The following CDH20 variants were observed in gnomAD, a reference collection of about 807,000 sequenced individuals.
CDH20 encodes the protein cadherin 20.
Under a neutral mutation model 74.2 loss-of-function variants are expected in CDH20, and 29 were observed. The ratio of observed to expected loss-of-function variants is 0.39; its 90% CI spans 0.29 to 0.53. CDH20 has a LOEUF of 0.53. Among genes scored for constraint, CDH20 ranks in the 20% least tolerant of loss-of-function variants. The pLI, the probability that CDH20 is intolerant of heterozygous loss-of-function variation, is 0.69. For synonymous variants in CDH20, 469 were observed against 405.4 expected (o/e 1.16, Z -1.88); for missense variants, 988 against 1,048.3 (o/e 0.94, Z 0.79).
chr18:61,428,101 A>C (rs895049404), intron 1 of CDH20, among the ~76,000 whole-genome samples: 6 of 152,224 alleles, frequency 3.9e-5, no homozygotes, highest in Non-Finnish European at 7.3e-5. Context: ...AAGCTAAAAA[A>C]GCAAAAAGAA....
chr18:61,548,017 A>T (rs938425191), intron 10 of CDH20, among the ~76,000 whole-genome samples: 28 of 152,096 alleles, frequency 1.8e-4, no homozygotes, highest in Non-Finnish European at 2.4e-4. Flanking sequence ...CAAAAAAATA[A>T]AAAAAAAGTT....
chr18:61,522,554 G>T (rs1321855192), intron 6 of CDH20, among the ~76,000 whole-genome samples: 1 of 152,130 alleles, frequency 6.6e-6, no homozygotes, highest in East Asian at 1.9e-4. Flanking sequence ...CACAGAATTA[G>T]AAAAAACTTC....
intron 1 of CDH20, among the ~76,000 whole-genome samples, chr18:61,393,275 C>T (rs142284565): frequency 5.2e-4 from 79 of 152,278 alleles, no homozygotes; most frequent in Non-Finnish European, 1.1e-3. Flanking sequence ...CTTCACAGTG[C>T]CTGCCAAATC....
At position 61,488,081 on chromosome 18, in the gene CDH20, C is replaced by CATATATATAT. The variant is rs71178973; in HGVS notation, c.-152-2316_-152-2307dup. 5.3e-3 allele frequency among the ~76,000 whole-genome samples: 789 copies of CATATATATAT among 148,884 alleles called. 9 individuals are homozygous for CATATATATAT. Among genetic ancestry groups the CATATATATAT allele is most frequent in the African/African-American group, 0.017 (702 of 40,586 alleles). On this transcript the variant is annotated intron_variant, in intron 1 of 11. Coordinates refer to ENST00000262717, the MANE Select transcript of CDH20 (RefSeq NM_031891.4). ...ATACACTAAATAGAATACGTACATA[C>CATATATATAT]ATATATATATATATGTACGTATATA...
At chr18:61,517,766 C>G (rs1444418320) in intron 6 of CDH20, among the ~76,000 whole-genome samples, 1 of 152,096 alleles carries the variant, frequency 6.6e-6, no homozygotes, top group African/African-American at 2.4e-5. Context: ...GCCAGTGAGA[C>G]AGAACCATTC....
In CDH20 at chr18:61,528,078, C is replaced by T; in HGVS notation, c.1129C>T (p.His377Tyr). ...CCCATTTCAGGACACAACAACAGTGCACATCAGTGTGGAAGACGTGGACGA... is the reference window on the plus strand; with the variant it reads ...CCCATTTCAGGACACAACAACAGTGTACATCAGTGTGGAAGACGTGGACGA... ...LGPFQDTTTV[H>Y]ISVEDVDEPP... is the part of the protein sequence containing the mutation. The change falls in exon 7 of 12, where the codon CAC becomes TAC. Residue 377 changes from histidine to tyrosine, a missense_variant. Coordinates refer to ENST00000262717, the MANE Select transcript of CDH20 (RefSeq NM_031891.4). The T allele has an allele frequency of 6.2e-7, 1 of 1,614,184 alleles. No individual in the cohort carries two copies. Among genetic ancestry groups the T allele is most frequent in the Non-Finnish European group, 8.5e-7 (1 of 1,180,022 alleles).
chr18:61,456,150 C>A (rs1263904198), intron 1 of CDH20, among the ~76,000 whole-genome samples: 1 of 152,140 alleles, frequency 6.6e-6, no homozygotes, highest in African/African-American at 2.4e-5. Context: ...GTTTGGGTGC[C>A]CCCATTCCTT....
At chr18:61,466,974 C>G (rs2144370133) in intron 1 of CDH20, among the ~76,000 whole-genome samples, 1 of 152,278 alleles carries the variant, frequency 6.6e-6, no homozygotes, top group Non-Finnish European at 1.5e-5. Flanking sequence ...TGTGCTTGGC[C>G]TGGCTTGGCT....
chr18:61,339,986 G>A (rs1004644722), intron 1 of CDH20, among the ~76,000 whole-genome samples: 13 of 151,922 alleles, frequency 8.6e-5, no homozygotes, highest in Non-Finnish European at 1.8e-4. Flanking sequence ...CACTGAGCCC[G>A]GCCAGGTCAT....
intron 1 of CDH20, among the ~76,000 whole-genome samples, chr18:61,339,360 TACACACAC>T (rs35630137): frequency 9.6e-5 from 14 of 145,938 alleles, no homozygotes; most frequent in South Asian, 8.9e-4. Flanking sequence ...GCAAGTTTAT[TACACACAC>T]ACACACACAC....
chr18:61,423,487 A>G (rs1447157173), intron 1 of CDH20, among the ~76,000 whole-genome samples: 1 of 152,222 alleles, frequency 6.6e-6, no homozygotes, highest in African/African-American at 2.4e-5. Context: ...CCAAGGCCCT[A>G]TCTTACCTTT....
chr18:61,422,300 A>C (rs1395831423), intron 1 of CDH20, among the ~76,000 whole-genome samples: 2 of 152,172 alleles, frequency 1.3e-5, no homozygotes, highest in African/African-American at 2.4e-5. Context: ...GAAAACTATC[A>C]GTTCTTTATA....
chr18:61,512,672 T>C (rs1006674205), intron 6 of CDH20, among the ~76,000 whole-genome samples: 2 of 152,148 alleles, frequency 1.3e-5, no homozygotes, highest in Non-Finnish European at 2.9e-5. Flanking sequence ...AAAGACATTT[T>C]AATGTGTCCC....
chr18:61,411,791 G>A (rs1912518834), intron 1 of CDH20, among the ~76,000 whole-genome samples: 1 of 152,038 alleles, frequency 6.6e-6, no homozygotes, highest in South Asian at 2.1e-4. Context: ...TGGGAACTAC[G>A]CTATGACACT....
At chr18:61,479,805 G>T (rs949237238) in intron 1 of CDH20, among the ~76,000 whole-genome samples, 2 of 152,140 alleles carry the variant, frequency 1.3e-5, no homozygotes, top group African/African-American at 4.8e-5. Flanking sequence ...CTCACAGCCT[G>T]GTAAGCAACT....
chr18:61,447,555 T>C (rs907881406), intron 1 of CDH20, among the ~76,000 whole-genome samples: 3 of 152,124 alleles, frequency 2.0e-5, no homozygotes, highest in Non-Finnish European at 4.4e-5. Flanking sequence ...GTTAGAGAAT[T>C]TCAGGAGAAA....
At chr18:61,529,271 C>T (rs1044455098) in intron 7 of CDH20, among the ~76,000 whole-genome samples, 3 of 152,096 alleles carry the variant, frequency 2.0e-5, no homozygotes, top group Non-Finnish European at 4.4e-5. Context: ...TTAAACATAC[C>T]GCACTTTATC....
intron 1 of CDH20, among the ~76,000 whole-genome samples, chr18:61,475,299 G>T (rs1199898596): frequency 3.3e-5 from 5 of 152,190 alleles, no homozygotes; most frequent in African/African-American, 1.2e-4. Context: ...GGTGGGGATG[G>T]AAGAAATCTT....
chr18:61,419,126 C>T (rs375527392), intron 1 of CDH20, among the ~76,000 whole-genome samples: 28 of 152,064 alleles, frequency 1.8e-4, no homozygotes, highest in African/African-American at 6.8e-4. Context: ...TACAGTGGTG[C>T]AATCATAGCT....
Sources: allele counts gnomAD v4.1 joint callset (sites outside exome capture counted in the v4.1 genomes callset), GRCh38; gene constraint gnomAD v4.1.1; transcripts MANE v1.5; gene names NCBI Gene and HGNC (gene_info 2026-07-23, HGNC 2026-07-21).